HVCN1: variants seen among roughly 807,000 people sequenced by gnomAD.
HVCN1 encodes the protein hydrogen voltage gated channel 1.
A neutral mutation model predicts 29.2 loss-of-function variants in HVCN1; 14 were observed. That is an observed-to-expected ratio of 0.48 (90% CI 0.32 to 0.75). HVCN1 has a LOEUF of 0.75. HVCN1 is among the 30% of genes least tolerant of loss of function. The pLI, the probability that HVCN1 is intolerant of heterozygous loss-of-function variation, is 0.04. For missense variants in HVCN1, 263 were observed against 341.8 expected, an observed-to-expected ratio of 0.77 and a Z score of 1.82; for synonymous variants, 131 against 133.2, an observed-to-expected ratio of 0.98 and a Z score of 0.11.
chr12:110,659,094 G>A (rs2068081101), intron 4 of HVCN1, among the ~76,000 whole-genome samples: 1 of 152,234 alleles, frequency 6.6e-6, no homozygotes, highest in Non-Finnish European at 1.5e-5. Flanking sequence ...CAGCCACAGA[G>A]AAGCTGGGTC....
In HVCN1 at chr12:110,685,358, C is replaced by A. The variant is rs139728189; in HGVS notation, c.-19-2094G>T. On this transcript the variant is annotated intron_variant, in intron 2 of 7. Transcript: ENST00000242607. The stretch of plus-strand genomic sequence containing the variant: ...TCTCCCCCAGAGCCTGCAGCAGCAA[C>A]ACAGCCCTGCCCATACCTTGACTCG... Among the ~76,000 whole-genome samples, 522 of 152,322 alleles carry A rather than the reference C, an allele frequency of 3.4e-3. 4 individuals are homozygous for A. The highest frequency in any genetic ancestry group is 6.0e-3 in the Non-Finnish European group (405 of 68,026).
chr12:110,671,510 C>T (rs1048053570), intron 3 of HVCN1, among the ~76,000 whole-genome samples: 10 of 152,142 alleles, frequency 6.6e-5, no homozygotes, highest in African/African-American at 2.4e-4. Context: ...TTTTGGGCTT[C>T]TGGTTTCTGG....
At chr12:110,670,087 T>A (rs1327450741) in intron 3 of HVCN1, among the ~76,000 whole-genome samples, 1 of 152,170 alleles carries the variant, frequency 6.6e-6, no homozygotes, top group Non-Finnish European at 1.5e-5. Context: ...GCACTACTCC[T>A]TCAAGGTAAA....
intron 4 of HVCN1, 126 bp from the exon 5 acceptor site, chr12:110,655,464 G>T: frequency 1.5e-6 from 1 of 687,426 alleles, no homozygotes; most frequent in Non-Finnish European, 2.6e-6. Flanking sequence ...AGGATGGGAG[G>T]CTACTGCTAT....
chr12:110,675,815 A>T (rs1468898494), intron 3 of HVCN1, among the ~76,000 whole-genome samples: 1 of 152,146 alleles, frequency 6.6e-6, no homozygotes, highest in African/African-American at 2.4e-5. Context: ...AGGCTGAGGC[A>T]TGAGAATCAC....
In HVCN1 at chr12:110,648,737, G is replaced by A. The variant is rs2067591016; in HGVS notation, c.*673C>T. On this transcript the variant is annotated 3_prime_UTR_variant, in exon 8 of 8. Transcript: ENST00000242607. ...TAGCTAGCTTGCTCTCCGACTGGCA[G>A]GCTGGTATGGGTGCCACAGAGGAAA... The A allele has an allele frequency of 4.0e-6, 1 of 252,908 alleles. No individual in the cohort carries two copies. Among genetic ancestry groups the A allele is most frequent in the Admixed American group, 5.7e-5 (1 of 17,588 alleles). The allele number at this position is 252,908 out of a possible 1,614,324, so 15.7% of individuals were successfully genotyped here. A position where few individuals can be genotyped will look rare whatever the true frequency, so the allele number is the denominator to read the frequency against.
Position 110,649,490 on chromosome 12 carries a change from G to A in HVCN1, c.757-15C>T. 6.3e-7 allele frequency: 1 copy of A among 1,586,076 alleles called. No homozygotes were observed. The highest frequency in any genetic ancestry group is 8.6e-7 in the Non-Finnish European group (1 of 1,159,792). ...ATTTCTTGTTCCTATTGCAAAAGCA[G>A]ACAAACACTGGAATTTACTTTGAGC... On this transcript the variant is annotated splice_polypyrimidine_tract_variant and intron_variant, in intron 7 of 7. Transcript: ENST00000242607.
At chr12:110,652,037 T>C (rs2067830985) in intron 5 of HVCN1, among the ~76,000 whole-genome samples, 1 of 152,180 alleles carries the variant, frequency 6.6e-6, no homozygotes, top group Non-Finnish European at 1.5e-5. Context: ...TGGAGGCAGA[T>C]CCATATGTTC....
At chr12:110,677,714 T>G (rs2068794299) in intron 3 of HVCN1, among the ~76,000 whole-genome samples, 1 of 152,120 alleles carries the variant, frequency 6.6e-6, no homozygotes, top group South Asian at 2.1e-4. Context: ...GGGAAGTCTT[T>G]AAATAAGTGT....
chr12:110,652,068 G>GGT (rs1432813841), intron 5 of HVCN1, among the ~76,000 whole-genome samples: 1 of 152,234 alleles, frequency 6.6e-6, no homozygotes, highest in Non-Finnish European at 1.5e-5. Context: ...TGATCACCAA[G>GGT]GTGGTGTAAA....
At chr12:110,675,493 A>T (rs1475397707) in intron 3 of HVCN1, among the ~76,000 whole-genome samples, 1 of 152,180 alleles carries the variant, frequency 6.6e-6, no homozygotes, top group Non-Finnish European at 1.5e-5. Context: ...AAATAAAATC[A>T]TAAGTAAGTG....
intron 3 of HVCN1, among the ~76,000 whole-genome samples, chr12:110,678,608 G>A (rs2068837198): frequency 6.6e-6 from 1 of 151,574 alleles, no homozygotes. Context: ...GCACCACCAC[G>A]CCTGGCTAAT....
At chr12:110,662,730 C>G (rs528308348) in intron 3 of HVCN1, among the ~76,000 whole-genome samples, 43 of 152,028 alleles carry the variant, frequency 2.8e-4, no homozygotes, top group African/African-American at 1.0e-3. Context: ...AACACAAAAA[C>G]AAACACAAAA....
At chr12:110,653,800 C>CCA (rs764171261) in intron 5 of HVCN1, among the ~76,000 whole-genome samples, 2 of 152,114 alleles carry the variant, frequency 1.3e-5, no homozygotes, top group Non-Finnish European at 2.9e-5. Context: ...TGAGATAGTG[C>CCA]CACTGCACTC....
intron 3 of HVCN1, among the ~76,000 whole-genome samples, chr12:110,677,075 C>G (rs2068772100): frequency 1.3e-5 from 2 of 152,026 alleles, no homozygotes; most frequent in African/African-American, 4.8e-5. Context: ...TGTAGTGGTG[C>G]TCGCCTCTAG....
At chr12:110,662,200 G>A (rs2068199773) in intron 3 of HVCN1, among the ~76,000 whole-genome samples, 1 of 152,036 alleles carries the variant, frequency 6.6e-6, no homozygotes. Context: ...GGAAAGAAAG[G>A]CTGGAGAGGC....
chr12:110,701,090 G>A (rs922123436), intron 2 of HVCN1, among the ~76,000 whole-genome samples: 4 of 152,208 alleles, frequency 2.6e-5, no homozygotes, highest in Non-Finnish European at 4.4e-5. Context: ...AACAGAGGCC[G>A]CATCTGGTCT....
chr12:110,691,854 C>CTGGGA (rs56990268), upstream of HVCN1, among the ~76,000 whole-genome samples: 1 of 152,030 alleles, frequency 6.6e-6, no homozygotes, highest in African/African-American at 2.4e-5. Flanking sequence ...TGCAGTGGTC[C>CTGGGA]AGTCTGCAGC....
At chr12:110,698,602 T>G (rs1394220256) in intron 2 of HVCN1, among the ~76,000 whole-genome samples, 1 of 152,204 alleles carries the variant, frequency 6.6e-6, no homozygotes, top group Non-Finnish European at 1.5e-5. Flanking sequence ...CAGTTACCTG[T>G]TGCAGCAGAG....
Sources: gnomAD v4.1 joint callset for allele counts (sites outside exome capture counted in the v4.1 genomes callset) on GRCh38, gnomAD v4.1.1 for gene constraint, MANE v1.5 for transcripts, NCBI Gene and HGNC (gene_info 2026-07-23, HGNC 2026-07-21) for gene names.